NINJ1: variants seen among roughly 807,000 people sequenced by gnomAD.
NINJ1 encodes the protein ninjurin-1.
In NINJ1, 6 loss-of-function variants were observed where a neutral mutation model predicts 12.7. That is an observed-to-expected ratio of 0.47 (90% CI 0.26 to 0.93). The LOEUF is 0.93. Ranked by LOEUF, NINJ1 falls within the 40% of genes least tolerant of loss-of-function variation. The pLI is 0.15. For missense variants in NINJ1, 170 were observed against 213.0 expected, an observed-to-expected ratio of 0.80 and a Z score of 1.26; for synonymous variants, 100 against 96.0, an observed-to-expected ratio of 1.04 and a Z score of -0.25.
At chr9:93,126,111 C>T (rs962398216) in intron 2 of NINJ1, 18 of 397,200 alleles carry the variant, frequency 4.5e-5, no homozygotes, top group East Asian at 2.3e-4. Flanking sequence ...GTGGGAGGAT[C>T]GCTTGAGCCC....
chr9:93,124,954 G>C lies in NINJ1; in HGVS notation c.413C>G (p.Ala138Gly). 6.2e-7 allele frequency: 1 copy of C among 1,614,062 alleles called. No individual in the cohort carries two copies. The highest frequency in any genetic ancestry group is 8.5e-7 in the Non-Finnish European group (1 of 1,179,960). ...IIVVVNIFIT[A>G]FGVQKPLMDM... ...CATCAAGGGCTTCTGGACCCCGAAG[G>C]CCGTGATGAAGATGTTGACTACCAC... is the stretch of plus-strand genomic sequence containing the variant. Residue 138 changes from alanine to glycine, a missense_variant, in exon 3 of 4, where the codon GCC becomes GGC. Coordinates refer to ENST00000375446, the MANE Select transcript of NINJ1 (RefSeq NM_004148.4).
intron 3 of NINJ1, 88 bp downstream of exon 3, chr9:93,124,811 G>T (rs575637026): frequency 7.1e-7 from 1 of 1,418,214 alleles, no homozygotes; most frequent in Non-Finnish European, 9.5e-7. Context: ...GTCCAAGGCT[G>T]GCCGGCCAGG....
chr9:93,122,422 G>A (rs998494486), intron 3 of NINJ1, among the ~76,000 whole-genome samples, 192 bp from the exon 4 acceptor site: 1 of 151,298 alleles, frequency 6.6e-6, no homozygotes, highest in African/African-American at 2.4e-5. Context: ...CTGGGAAGGG[G>A]GGAGAGGAGA....
At chr9:93,123,488 T>G (rs149230114) in intron 3 of NINJ1, among the ~76,000 whole-genome samples, 1,900 of 152,334 alleles carry the variant, frequency 0.012, 56 homozygotes, top group East Asian at 0.055. Context: ...ATCTCCATGT[T>G]GGTCAGGCTG....
chr9:93,129,268 C>A (rs1363089126), intron 1 of NINJ1, among the ~76,000 whole-genome samples: 2 of 152,222 alleles, frequency 1.3e-5, no homozygotes, highest in African/African-American at 4.8e-5. Context: ...GTAGCTGATG[C>A]CATTGTCCCT....
chr9:93,126,208 C>CAA (rs1237857814), intron 2 of NINJ1: 2 of 558,194 alleles, frequency 3.6e-6, no homozygotes, highest in Non-Finnish European at 6.2e-6. Flanking sequence ...AAAAACAAAA[C>CAA]AAAACAAAAC....
rs372269819 is a variant in NINJ1, at chr9:93,126,516, G to A, written c.198C>T (p.Ala66=). The A allele has an allele frequency of 1.2e-5, 20 of 1,614,070 alleles. No individual in the cohort carries two copies. The highest frequency in any genetic ancestry group is 1.7e-5 in the Admixed American group (1 of 60,006). The change falls in exon 2 of 4, where the codon GCC becomes GCT. Residue 66 remains alanine (A), a synonymous_variant. Transcript: ENST00000375446. ...LLMANASQLK[A]VVEQGPSFAF... is the part of the protein sequence containing the mutation. ...CGAAGCTGGGGCCCTGTTCCACGACGGCCTTCAGCTGGGACGCGTTGGCCA... is the reference window on the plus strand; with the variant it reads ...CGAAGCTGGGGCCCTGTTCCACGACAGCCTTCAGCTGGGACGCGTTGGCCA...
chr9:93,131,797 C>A (rs187631463), intron 1 of NINJ1, among the ~76,000 whole-genome samples: 186 of 152,348 alleles, frequency 1.2e-3, no homozygotes, highest in African/African-American at 3.9e-3. Flanking sequence ...CTTCCCACGG[C>A]CGTGGCCCAA....
At chr9:93,125,116 C>A in intron 2 of NINJ1, 54 bp from the exon 3 acceptor site, 1 of 1,541,264 alleles carries the variant, frequency 6.5e-7, no homozygotes, top group South Asian at 1.2e-5. Context: ...CGCAGCGCCC[C>A]AGCCTGGGAC....
At chr9:93,129,343 C>T (rs1166240098) in intron 1 of NINJ1, among the ~76,000 whole-genome samples, 2 of 152,254 alleles carry the variant, frequency 1.3e-5, no homozygotes, top group Non-Finnish European at 2.9e-5. Context: ...ACTAGCCCCA[C>T]TTTGTGCCTC....
intron 3 of NINJ1, among the ~76,000 whole-genome samples, chr9:93,124,568 C>T (rs2130746550): frequency 8.0e-6 from 1 of 124,506 alleles, no homozygotes; most frequent in South Asian, 2.7e-4. Context: ...AGCCACCGCG[C>T]CTGACCCAGA....
chr9:93,130,793 A>G (rs1827882603), intron 1 of NINJ1, among the ~76,000 whole-genome samples: 1 of 152,180 alleles, frequency 6.6e-6, no homozygotes, highest in South Asian at 2.1e-4. Context: ...ACAGGCTCAC[A>G]AAACAGTCAC....
chr9:93,126,407 T>C lies in NINJ1; in HGVS notation c.304+3A>G. 6 of 1,611,016 alleles carry C rather than the reference T, an allele frequency of 3.7e-6. No individual in the cohort carries two copies. Among genetic ancestry groups the C allele is most frequent in the Non-Finnish European group, 5.1e-6 (6 of 1,178,002 alleles). ...GCCTGGCTGCCCCCACCTGGGGACC[T>C]ACCAAGGAAGATGAGCAGCACCCCC... On this transcript the variant is annotated splice_donor_region_variant and intron_variant, in intron 2 of 3. Coordinates refer to ENST00000375446, the MANE Select transcript of NINJ1 (RefSeq NM_004148.4).
chr9:93,125,129 TG>T, intron 2 of NINJ1, 67 bp from the exon 3 acceptor site: 1 of 1,506,272 alleles, frequency 6.6e-7, no homozygotes, highest in African/African-American at 1.4e-5. Flanking sequence ...CCTGGGACAG[TG>T]GAAGGGGACC....
intron 3 of NINJ1, among the ~76,000 whole-genome samples, chr9:93,123,108 C>A (rs2130745404): frequency 6.6e-6 from 1 of 152,310 alleles, no homozygotes; most frequent in East Asian, 1.9e-4. Context: ...TGGCGTGATC[C>A]CACTGGGGGA....
At chr9:93,132,983 G>C (rs993933208) in intron 1 of NINJ1, among the ~76,000 whole-genome samples, 2 of 152,158 alleles carry the variant, frequency 1.3e-5, no homozygotes, top group Non-Finnish European at 2.9e-5. Flanking sequence ...CTCTTTATAA[G>C]ACCATGTCTA....
intron 2 of NINJ1, chr9:93,126,135 T>C: frequency 4.2e-6 from 2 of 474,774 alleles, no homozygotes; most frequent in East Asian, 3.8e-5. Context: ...AGATGCAGCT[T>C]GCAGTGAGCC....
At chr9:93,131,045 G>C (rs796606622) in intron 1 of NINJ1, among the ~76,000 whole-genome samples, 6 of 152,326 alleles carry the variant, frequency 3.9e-5, no homozygotes, top group African/African-American at 1.4e-4. Flanking sequence ...ACCTGCCTGG[G>C]GCTTCCGGCA....
chr9:93,122,776 C>A (rs1025699081), intron 3 of NINJ1, among the ~76,000 whole-genome samples: 2 of 152,176 alleles, frequency 1.3e-5, no homozygotes, highest in Admixed American at 1.3e-4. Flanking sequence ...CTTTGGCCTC[C>A]GAGCCTCTGA....
Sources: gnomAD v4.1 joint callset for allele counts (sites outside exome capture counted in the v4.1 genomes callset) on GRCh38, gnomAD v4.1.1 for gene constraint, MANE v1.5 for transcripts, NCBI Gene and HGNC (gene_info 2026-07-23, HGNC 2026-07-21) for gene names.